MCC: variants seen among roughly 807,000 people sequenced by gnomAD.
MCC encodes colorectal mutant cancer protein.
Under a neutral mutation model 116.2 loss-of-function variants are expected in MCC, and 90 were observed. The ratio of observed to expected loss-of-function variants is 0.77; its 90% CI spans 0.65 to 0.92. The LOEUF is 0.92. Among genes scored for constraint, MCC ranks in the 40% least tolerant of loss-of-function variants. The pLI is 0.00. For missense variants in MCC, 1,516 were observed against 1,312.2 expected (o/e 1.16, Z -2.40); for synonymous variants, 578 against 510.5 (o/e 1.13, Z -1.78).
At chr5:113,371,942 G>A (rs910388339) in intron 2 of MCC, among the ~76,000 whole-genome samples, 11 of 152,146 alleles carry the variant, frequency 7.2e-5, no homozygotes, top group African/African-American at 2.4e-4. Flanking sequence ...TCTCAGCCAA[G>A]TAATCATTTT....
At chr5:113,459,624 C>T (rs911791944) in intron 1 of MCC, among the ~76,000 whole-genome samples, 1 of 152,114 alleles carries the variant, frequency 6.6e-6, no homozygotes, top group Non-Finnish European at 1.5e-5. Flanking sequence ...GGTGGAGTGG[C>T]AATCCTGATG....
intron 14 of MCC, among the ~76,000 whole-genome samples, chr5:113,058,639 C>A (rs746512365): frequency 7.2e-5 from 11 of 152,198 alleles, no homozygotes; most frequent in South Asian, 2.1e-4. Flanking sequence ...ACGAGCAGGT[C>A]TCTGATGTCA....
chr5:113,269,108 A>G, intron 3 of MCC: 5 of 922,770 alleles, frequency 5.4e-6, no homozygotes, highest in Non-Finnish European at 6.5e-6. Context: ...GGATGAAGGA[A>G]ATAAAAGTCA....
intron 1 of MCC, among the ~76,000 whole-genome samples, chr5:113,439,997 AAGGGATC>A (rs1770987131): frequency 6.6e-6 from 1 of 152,060 alleles, no homozygotes; most frequent in Non-Finnish European, 1.5e-5. Flanking sequence ...TCCTGGCCTT[AAGGGATC>A]CTCCCACCTC....
At chr5:113,206,694 G>A (rs896385603) in intron 3 of MCC, among the ~76,000 whole-genome samples, 3 of 152,218 alleles carry the variant, frequency 2.0e-5, no homozygotes, top group Non-Finnish European at 4.4e-5. Flanking sequence ...GTGCGACAGA[G>A]CGAGACTGTC....
intron 3 of MCC, among the ~76,000 whole-genome samples, chr5:113,278,543 C>T (rs1765915193): frequency 1.3e-5 from 2 of 152,162 alleles, no homozygotes; most frequent in South Asian, 4.1e-4. Context: ...AGGTAACTAA[C>T]ATTTAAACTA....
rs567222869 is a variant in MCC, at chr5:113,239,953, C to A, written c.628-88531G>T. 3.3e-5 allele frequency among the ~76,000 whole-genome samples: 5 copies of A among 152,334 alleles called. No homozygotes were observed. The East Asian group carries it at 9.6e-4, about 29-fold the overall frequency. ...CACAGAGCTCAGGTTGAGCTTTAGA[C>A]ACAAATCTCATCTGGTCATTCATTA... On this transcript the variant is annotated intron_variant, in intron 3 of 18. Transcript: ENST00000408903.
intron 3 of MCC, among the ~76,000 whole-genome samples, chr5:113,285,407 G>C (rs1838207): frequency 0.6 from 87,950 of 147,126 alleles, 28,938 homozygotes; most frequent in African/African-American, 0.9. Flanking sequence ...GGCCTGCGTT[G>C]GAAACTCTCC....
intron 3 of MCC, among the ~76,000 whole-genome samples, chr5:113,209,538 C>A (rs1763044422): frequency 6.6e-6 from 1 of 152,158 alleles, no homozygotes; most frequent in South Asian, 2.1e-4. Context: ...TATGGGACGA[C>A]TTTTATGGCT....
At chr5:113,461,389 G>GA (rs1320124300) in intron 1 of MCC, among the ~76,000 whole-genome samples, 1 of 152,218 alleles carries the variant, frequency 6.6e-6, no homozygotes, top group Non-Finnish European at 1.5e-5. Flanking sequence ...ACCAAGGCAT[G>GA]AAAGTGTGAA....
intron 3 of MCC, among the ~76,000 whole-genome samples, chr5:113,237,666 C>T (rs2150337484): frequency 6.6e-6 from 1 of 152,290 alleles, no homozygotes; most frequent in South Asian, 2.1e-4. Context: ...CACACATGGG[C>T]TACAAGAGAA....
intron 1 of MCC, among the ~76,000 whole-genome samples, chr5:113,402,301 A>G (rs1441101092): frequency 7.0e-6 from 1 of 143,622 alleles, no homozygotes; most frequent in Non-Finnish European, 1.6e-5. Context: ...CTCAAAAAAA[A>G]AAAAAAAAAA....
chr5:113,236,241 A>G (rs1031206287), intron 3 of MCC, among the ~76,000 whole-genome samples: 17 of 152,228 alleles, frequency 1.1e-4, no homozygotes, highest in Admixed American at 2.0e-4. Flanking sequence ...GCATAAACCA[A>G]TATGCCTGAG....
At chr5:113,423,401 G>C (rs1018555563) in intron 1 of MCC, among the ~76,000 whole-genome samples, 2 of 152,132 alleles carry the variant, frequency 1.3e-5, no homozygotes, top group Non-Finnish European at 2.9e-5. Flanking sequence ...ATAACACAAA[G>C]CTATGTGTTG....
At chr5:113,145,747 C>T (rs1171193766) in intron 4 of MCC, among the ~76,000 whole-genome samples, 4 of 12,782 alleles carry the variant, frequency 3.1e-4, no homozygotes, top group African/African-American at 9.3e-4. Flanking sequence ...TACACACACA[C>T]ACACACACAC....
At chr5:113,163,127 T>C (rs765292798) in intron 3 of MCC, among the ~76,000 whole-genome samples, 49 of 152,264 alleles carry the variant, frequency 3.2e-4, no homozygotes, top group Non-Finnish European at 5.7e-4. Flanking sequence ...CTCTGCCTCA[T>C]GGGTCCTCAT....
chr5:113,289,861 G>C (rs887548312), intron 3 of MCC, among the ~76,000 whole-genome samples: 1 of 152,138 alleles, frequency 6.6e-6, no homozygotes, highest in Non-Finnish European at 1.5e-5. Context: ...ACCAGGTCTT[G>C]ACCCTGCTCT....
intron 14 of MCC, among the ~76,000 whole-genome samples, chr5:113,062,543 C>T (rs1301728705): frequency 6.6e-6 from 1 of 152,220 alleles, no homozygotes; most frequent in Non-Finnish European, 1.5e-5. Context: ...TAAAACAACA[C>T]AGCATCACTG....
intron 3 of MCC, among the ~76,000 whole-genome samples, chr5:113,221,598 G>C (rs1427109301): frequency 1.3e-5 from 2 of 152,232 alleles, no homozygotes; most frequent in African/African-American, 4.8e-5. Context: ...TATTACTATT[G>C]TAAAACCTAA....
Sources: gnomAD v4.1 joint callset for allele counts (sites outside exome capture counted in the v4.1 genomes callset) on GRCh38, gnomAD v4.1.1 for gene constraint, MANE v1.5 for transcripts, NCBI Gene and HGNC (gene_info 2026-07-23, HGNC 2026-07-21) for gene names.